Variants in RAB3C observed in about 807,000 individuals in gnomAD.
The protein encoded by RAB3C is RAB3C, member RAS oncogene family.
A neutral mutation model predicts 26.4 loss-of-function variants in RAB3C; 17 were observed. The observed-to-expected ratio is 0.64, with a 90% CI of 0.44 to 0.97. The LOEUF is 0.97. Among genes scored for constraint, RAB3C ranks in the 50% least tolerant of loss-of-function variants. The pLI is 0.00. For synonymous variants in RAB3C, 91 were observed against 95.9 expected, an observed-to-expected ratio of 0.95 and a Z score of 0.30; for missense variants, 242 against 281.9, an observed-to-expected ratio of 0.86 and a Z score of 1.01.
intron 1 of RAB3C, among the ~76,000 whole-genome samples, chr5:58,606,429 C>A (rs1474125685): frequency 1.3e-5 from 2 of 152,218 alleles, no homozygotes; most frequent in African/African-American, 2.4e-5. Flanking sequence ...CTCAGCAAGG[C>A]CTACTGCCTC....
chr5:58,588,451 A>T (rs916444366), intron 1 of RAB3C, among the ~76,000 whole-genome samples: 1 of 152,136 alleles, frequency 6.6e-6, no homozygotes, highest in Non-Finnish European at 1.5e-5. Context: ...AATTTTCCTA[A>T]TGATGAACGG....
At chr5:58,831,910 G>A (rs1277628934) in intron 4 of RAB3C, among the ~76,000 whole-genome samples, 1 of 152,176 alleles carries the variant, frequency 6.6e-6, no homozygotes, top group African/African-American at 2.4e-5. Context: ...TAGTGACCAA[G>A]CTGCATCCCA....
At chr5:58,721,125 T>C (rs1307604946) in intron 2 of RAB3C, among the ~76,000 whole-genome samples, 4 of 151,768 alleles carry the variant, frequency 2.6e-5, no homozygotes, top group African/African-American at 7.2e-5. Context: ...TTTTCTATTT[T>C]ATAGTTTTTT....
At chr5:58,745,926 A>G (rs944362232) in intron 3 of RAB3C, among the ~76,000 whole-genome samples, 1 of 152,218 alleles carries the variant, frequency 6.6e-6, no homozygotes, top group Admixed American at 6.5e-5. Context: ...TGACAAATGA[A>G]TGAATGAATG....
At chr5:58,711,885 C>T (rs1425899879) in intron 2 of RAB3C, among the ~76,000 whole-genome samples, 4 of 152,156 alleles carry the variant, frequency 2.6e-5, no homozygotes, top group African/African-American at 9.7e-5. Flanking sequence ...GTGTGATCAT[C>T]ATACTGTGCA....
chr5:58,675,047 T>A (rs1748194557), intron 2 of RAB3C, among the ~76,000 whole-genome samples: 1 of 152,138 alleles, frequency 6.6e-6, no homozygotes, highest in Non-Finnish European at 1.5e-5. Flanking sequence ...GTTTTTAAAC[T>A]GAGCCTAAAA....
At chr5:58,764,907 A>T (rs1459240586) in intron 3 of RAB3C, among the ~76,000 whole-genome samples, 1 of 152,230 alleles carries the variant, frequency 6.6e-6, no homozygotes. Context: ...TCTTTCTTAT[A>T]ACAGAAGGAA....
At position 58,723,547 on chromosome 5, in the gene RAB3C, G is replaced by A. The variant is rs116721382; in HGVS notation, c.253-2455G>A. ...CCGAATAGGATATAACACACAAATTGGGAAAGAGTTGTAGGCAATCTTTAG... is the reference window on the plus strand; with the variant it reads ...CCGAATAGGATATAACACACAAATTAGGAAAGAGTTGTAGGCAATCTTTAG... On this transcript the variant is annotated intron_variant, in intron 2 of 4. Coordinates refer to ENST00000282878, the MANE Select transcript of RAB3C (RefSeq NM_138453.4). 2.9e-3 allele frequency among the ~76,000 whole-genome samples: 442 copies of A among 151,848 alleles called. 2 individuals carry two copies. Among genetic ancestry groups the A allele is most frequent in the African/African-American group, 8.7e-3 (361 of 41,482 alleles).
intron 2 of RAB3C, among the ~76,000 whole-genome samples, chr5:58,625,718 G>A (rs1463187860): frequency 6.6e-6 from 1 of 152,016 alleles, no homozygotes; most frequent in African/African-American, 2.4e-5. Flanking sequence ...TTAGCCGGGT[G>A]TTGTGGTGCA....
At chr5:58,698,935 T>C (rs1213925478) in intron 2 of RAB3C, among the ~76,000 whole-genome samples, 1 of 152,220 alleles carries the variant, frequency 6.6e-6, no homozygotes, top group Non-Finnish European at 1.5e-5. Context: ...TCTCAGCTCG[T>C]CAAAGTCATT....
rs554866418 is a variant in RAB3C, at chr5:58,617,669, C to A, written c.51C>A (p.Tyr17Ter). Residue 17 changes from tyrosine to a stop codon, truncating the protein, a stop_gained, in exon 2 of 5, where the codon TAC becomes TAA. Transcript: ENST00000282878. LOFTEE classifies it high-confidence loss of function. ...TGGCCTCTGCCCAAGATGCCAGGTACGGCCAGAAAGACTCCTCTGATCAGA... is the reference window on the plus strand; with the variant it reads ...TGGCCTCTGCCCAAGATGCCAGGTAAGGCCAGAAAGACTCCTCTGATCAGA... ...MQMASAQDAR[Y>*]GQKDSSDQNF... 1 of 1,613,328 alleles carries A rather than the reference C, an allele frequency of 6.2e-7. No individual in the cohort carries two copies. The highest frequency in any genetic ancestry group is 8.5e-7 in the Non-Finnish European group (1 of 1,179,412).
intron 3 of RAB3C, among the ~76,000 whole-genome samples, chr5:58,783,100 T>A (rs750509375): frequency 5.3e-5 from 8 of 152,160 alleles, no homozygotes; most frequent in Non-Finnish European, 8.8e-5. Flanking sequence ...CTGGCAGGTC[T>A]GAATGTGTTT....
At chr5:58,667,938 A>G (rs750994645) in intron 2 of RAB3C, among the ~76,000 whole-genome samples, 1 of 152,096 alleles carries the variant, frequency 6.6e-6, no homozygotes, top group African/African-American at 2.4e-5. Flanking sequence ...ATTAATATTC[A>G]TCCTCCATTG....
chr5:58,686,598 G>C (rs1748448158), intron 2 of RAB3C, among the ~76,000 whole-genome samples: 1 of 151,796 alleles, frequency 6.6e-6, no homozygotes, highest in African/African-American at 2.4e-5. Flanking sequence ...GTTGCTGTCT[G>C]TACTGCCCTT....
At chr5:58,584,639 T>G (rs935850918) in intron 1 of RAB3C, among the ~76,000 whole-genome samples, 6 of 152,162 alleles carry the variant, frequency 3.9e-5, no homozygotes, top group Non-Finnish European at 7.4e-5. Flanking sequence ...AATTGTAGAC[T>G]TTAAAAGTAG....
chr5:58,725,949 A>C (rs1292676219), intron 2 of RAB3C, 53 bp from the exon 3 acceptor site: 64 of 1,091,382 alleles, frequency 5.9e-5, no homozygotes, highest in Non-Finnish European at 7.0e-5. Flanking sequence ...ATCACTTCCC[A>C]AAAATGTATT....
At chr5:58,639,134 G>A (rs116949268) in intron 2 of RAB3C, among the ~76,000 whole-genome samples, 1 of 152,188 alleles carries the variant, frequency 6.6e-6, no homozygotes, top group Non-Finnish European at 1.5e-5. Context: ...GACAATTCTG[G>A]AAAGCTTTCT....
intron 3 of RAB3C, chr5:58,823,118 G>A: frequency 2.2e-6 from 1 of 448,250 alleles, no homozygotes; most frequent in Non-Finnish European, 4.3e-6. Context: ...GGGTCAGAAT[G>A]ATGCAGATTA....
intron 4 of RAB3C, among the ~76,000 whole-genome samples, chr5:58,827,968 C>T (rs1479758614): frequency 6.6e-6 from 1 of 152,194 alleles, no homozygotes; most frequent in Non-Finnish European, 1.5e-5. Flanking sequence ...GTCATTACCA[C>T]ATCTTGGCAG....
Sources: gnomAD v4.1 joint callset for allele counts (sites outside exome capture counted in the v4.1 genomes callset) on GRCh38, gnomAD v4.1.1 for gene constraint, MANE v1.5 for transcripts, NCBI Gene and HGNC (gene_info 2026-07-23, HGNC 2026-07-21) for gene names.